The following LRRC17 variants were observed in gnomAD, a reference collection of about 807,000 sequenced individuals.
The protein encoded by LRRC17 is leucine rich repeat containing 17, also known as leucine-rich repeat-containing protein 17.
LRRC17 carries 33 observed loss-of-function variants against 41.5 expected under a neutral mutation model. That is an observed-to-expected ratio of 0.80 (90% CI 0.60 to 1.06). The LOEUF (loss-of-function observed/expected upper bound fraction) is 1.06, where lower values mean the gene tolerates loss of function less well. Among genes scored for constraint, LRRC17 ranks in the 50% least tolerant of loss-of-function variants. LRRC17 has a pLI of 0.00. For missense variants in LRRC17, 491 were observed against 519.3 expected, an observed-to-expected ratio of 0.95 and a Z score of 0.53; for synonymous variants, 192 against 197.0, an observed-to-expected ratio of 0.97 and a Z score of 0.21.
intron 3 of LRRC17, among the ~76,000 whole-genome samples, chr7:102,940,036 G>T (rs1404434672): frequency 6.8e-6 from 1 of 147,130 alleles, no homozygotes; most frequent in Non-Finnish European, 1.5e-5. Context: ...CTGGGATTAT[G>T]GGCATGTGCC....
At chr7:102,940,548 AT>A (rs991334859) in intron 3 of LRRC17, among the ~76,000 whole-genome samples, 2 of 151,958 alleles carry the variant, frequency 1.3e-5, no homozygotes, top group Non-Finnish European at 2.9e-5. Flanking sequence ...CAAATTTGGA[AT>A]TTTTTTTGCT....
chr7:102,931,655 T>C (rs777574781), intron 1 of LRRC17, among the ~76,000 whole-genome samples: 22 of 152,196 alleles, frequency 1.4e-4, no homozygotes, highest in Non-Finnish European at 2.6e-4. Context: ...TGGGTAGTCA[T>C]TGAAGAATTT....
Position 102,934,563 on chromosome 7 carries a change from A to C in LRRC17, c.650A>C (p.Lys217Thr). ...GAACAGTTGTGTAATGAAGAAGAAA[A>C]GGAACAATTGGACCCGAAACCCCAA... ...KSEQLCNEEE[K>T]EQLDPKPQVS... is the part of the protein sequence containing the mutation. Residue 217 changes from lysine (K) to threonine (T), a missense_variant, in exon 2 of 4, where the codon AAG becomes ACG. Physicochemically the swap from Lys to Thr is moderately conservative, Grantham distance 78. Coordinates refer to ENST00000339431, the MANE Select transcript of LRRC17 (RefSeq NM_001031692.3). The C allele has an allele frequency of 6.2e-7, 1 of 1,614,048 alleles. No individual in the cohort carries two copies. Among genetic ancestry groups the C allele is most frequent in the Non-Finnish European group, 8.5e-7 (1 of 1,179,966 alleles).
intron 1 of LRRC17, among the ~76,000 whole-genome samples, chr7:102,922,205 T>TTAAA (rs1292411876): frequency 3.3e-5 from 5 of 149,614 alleles, no homozygotes; most frequent in South Asian, 2.1e-4. Flanking sequence ...AAAAAAAAAA[T>TTAAA]TAAATAAATA....
At position 102,944,669 on chromosome 7, in the gene LRRC17, T is replaced by C. The variant is rs1585072016; in HGVS notation, c.*62T>C. On this transcript the variant is annotated 3_prime_UTR_variant, in exon 4 of 4. Coordinates refer to ENST00000339431, the MANE Select transcript of LRRC17 (RefSeq NM_001031692.3). ...TTCTATACTGGTGTTAGAAAACATA[T>C]GTTTACATTTGATTAACTGTGTTGC... The C allele has an allele frequency of 5.7e-6, 8 of 1,410,254 alleles. No individual in the cohort carries two copies. The Admixed American group carries it at 6.9e-5, about 12-fold the overall frequency. 87.4% of individuals were successfully genotyped at this position (1,410,254 alleles called of 1,614,324 possible). A position where few individuals can be genotyped will look rare whatever the true frequency, so the allele number is the denominator to read the frequency against.
Position 102,913,156 on chromosome 7 carries a change from C to G in LRRC17, c.-141+11C>G, listed in dbSNP as rs17135923. On this transcript the variant is annotated intron_variant, in intron 1 of 3. Coordinates refer to ENST00000339431, the MANE Select transcript of LRRC17 (RefSeq NM_001031692.3). ...ATTCCCCAAGTTCAGGTACTGTAAG[C>G]CTTTGTCTGTGAACCGTCTGCAATA... 0.048 allele frequency: 77,147 copies of G among 1,613,898 alleles called. 2,750 individuals carry two copies. The highest frequency in any genetic ancestry group is 0.22 in the East Asian group (9,726 of 44,856).
rs1287106351 is a variant in LRRC17, at chr7:102,945,039, C to A, written c.*432C>A. 1 of 153,370 alleles carries A rather than the reference C, an allele frequency of 6.5e-6. No individual in the cohort carries two copies. Among genetic ancestry groups the A allele is most frequent in the Non-Finnish European group, 1.4e-5 (1 of 68,990 alleles). The allele number at this position is 153,370 out of a possible 1,614,324, so 9.5% of individuals were successfully genotyped here. A position where few individuals can be genotyped will look rare whatever the true frequency, so the allele number is the denominator to read the frequency against. ...TTATAATAAAATGTCATTCCCTACC[C>A]CTCTACTTTTTTTCAGTAAGTCATC... On this transcript the variant is annotated 3_prime_UTR_variant, in exon 4 of 4. Coordinates refer to ENST00000339431, the MANE Select transcript of LRRC17 (RefSeq NM_001031692.3).
In LRRC17 at chr7:102,933,849, T is replaced by G; in HGVS notation, c.-65T>G. ...TAGTTAAGATTACCCAGACTTGGAT[T>G]TCAAAGGAATACTTTCATTGTTCCG... On this transcript the variant is annotated 5_prime_UTR_variant, in exon 2 of 4. In the 5' UTR this introduces an upstream ATG that the reference lacks. Transcript: ENST00000339431. 1.4e-6 allele frequency: 2 copies of G among 1,463,686 alleles called. No individual in the cohort carries two copies. The highest frequency in any genetic ancestry group is 1.4e-5 in the South Asian group (1 of 70,394). The allele number at this position is 1,463,686 out of a possible 1,614,324, so 90.7% of individuals were successfully genotyped here.
Position 102,934,334 on chromosome 7 carries a change from A to C in LRRC17, c.421A>C (p.Ile141Leu). 6.2e-7 allele frequency: 1 copy of C among 1,614,112 alleles called. No homozygotes were observed. The highest frequency in any genetic ancestry group is 1.3e-5 in the African/African-American group (1 of 75,030). Residue 141 changes from isoleucine (I) to leucine (L), a missense_variant, in exon 2 of 4, where the codon ATC (isoleucine) becomes CTC (leucine). Ile to Leu is a conservative substitution (Grantham distance 5). Transcript: ENST00000339431. ...CACCCTCTTACTGCAGCACAACCAG[A>C]TCAAAGTCTTGACGGAGGAAGTGTT... Reference protein sequence around the residue: ...LTTLLLQHNQIKVLTEEVFIY... With the variant: ...LTTLLLQHNQLKVLTEEVFIY...
intron 1 of LRRC17, among the ~76,000 whole-genome samples, chr7:102,931,030 T>C (rs1224366670): frequency 2.6e-5 from 4 of 152,154 alleles, no homozygotes; most frequent in Admixed American, 6.5e-5. Context: ...ATACTTATCA[T>C]AGGAACCTAG....
chr7:102,930,237 G>A (rs994482466), intron 1 of LRRC17, among the ~76,000 whole-genome samples: 6 of 152,188 alleles, frequency 3.9e-5, no homozygotes, highest in African/African-American at 1.2e-4. Flanking sequence ...CACCAGCGAG[G>A]AGGGCTTGGC....
At chr7:102,913,426 ACATTTCAAG>A in intron 1 of LRRC17, among the ~76,000 whole-genome samples, 1 of 152,256 alleles carries the variant, frequency 6.6e-6, no homozygotes, top group Non-Finnish European at 1.5e-5. Context: ...ACCTTGTAAT[ACATTTCAAG>A]TGAAAGTATT....
At chr7:102,932,493 C>T (rs1819374751) in intron 1 of LRRC17, among the ~76,000 whole-genome samples, 1 of 152,192 alleles carries the variant, frequency 6.6e-6, no homozygotes, top group African/African-American at 2.4e-5. Context: ...GTACACTTCC[C>T]CCCAAATACT....
intron 2 of LRRC17, 27 bp from the exon 3 acceptor site, chr7:102,939,403 T>C (rs1820953192): frequency 6.3e-7 from 1 of 1,586,266 alleles, no homozygotes; most frequent in Admixed American, 1.8e-5. Context: ...AAGAGCATAA[T>C]AACGTAAATA....
At chr7:102,919,120 G>T (rs1248547390) in intron 1 of LRRC17, among the ~76,000 whole-genome samples, 3 of 152,174 alleles carry the variant, frequency 2.0e-5, no homozygotes, top group Non-Finnish European at 4.4e-5. Flanking sequence ...CACATTCAAT[G>T]ACATTGTGTT....
chr7:102,936,866 T>A (rs1820414618), intron 2 of LRRC17, among the ~76,000 whole-genome samples: 1 of 152,258 alleles, frequency 6.6e-6, no homozygotes, highest in African/African-American at 2.4e-5. Flanking sequence ...TCACTGCTTT[T>A]ATGCTCTTGG....
chr7:102,919,447 A>G (rs1320668568), intron 1 of LRRC17, among the ~76,000 whole-genome samples: 5 of 152,228 alleles, frequency 3.3e-5, no homozygotes, highest in Non-Finnish European at 4.4e-5. Flanking sequence ...TGCCTTCCCT[A>G]GCTGAGAAAA....
chr7:102,931,767 T>C, intron 1 of LRRC17: 1 of 934,320 alleles, frequency 1.1e-6, no homozygotes, highest in Non-Finnish European at 1.6e-6. Flanking sequence ...CATAGTTTGC[T>C]CTTTTCCACA....
chr7:102,913,424 AT>A, intron 1 of LRRC17, among the ~76,000 whole-genome samples: 1 of 152,256 alleles, frequency 6.6e-6, no homozygotes, highest in Non-Finnish European at 1.5e-5. Context: ...ATACCTTGTA[AT>A]ACATTTCAAG....
Sources: allele counts gnomAD v4.1 joint callset (sites outside exome capture counted in the v4.1 genomes callset), GRCh38; gene constraint gnomAD v4.1.1; transcripts MANE v1.5; gene names NCBI Gene and HGNC (gene_info 2026-07-23, HGNC 2026-07-21).